The following CAMKMT variants were observed in gnomAD, a reference collection of about 807,000 sequenced individuals.
CAMKMT encodes the protein calmodulin-lysine N-methyltransferase.
CAMKMT carries 53 observed loss-of-function variants against 48.0 expected under a neutral mutation model. The observed-to-expected ratio is 1.10, with a 90% CI of 0.89 to 1.39. The LOEUF is 1.39. CAMKMT is among the 40% of genes most tolerant of loss of function. CAMKMT has a pLI of 0.00. For missense variants in CAMKMT, 428 were observed against 402.7 expected (o/e 1.06, Z -0.54); for synonymous variants, 165 against 152.3 (o/e 1.08, Z -0.61).
At chr2:44,479,789 A>G (rs111832046) in intron 3 of CAMKMT, among the ~76,000 whole-genome samples, 2,154 of 152,280 alleles carry the variant, frequency 0.014, 58 homozygotes, top group African/African-American at 0.049. Context: ...CCCTTTTAAG[A>G]TTTAAGTAGC....
At chr2:44,448,515 T>C (rs1667123919) in intron 3 of CAMKMT, among the ~76,000 whole-genome samples, 1 of 152,190 alleles carries the variant, frequency 6.6e-6, no homozygotes, top group Non-Finnish European at 1.5e-5. Flanking sequence ...AAGTATTGCT[T>C]TCTTATTGTT....
At chr2:44,516,414 T>C (rs972873418) in intron 3 of CAMKMT, among the ~76,000 whole-genome samples, 1 of 152,156 alleles carries the variant, frequency 6.6e-6, no homozygotes, top group Non-Finnish European at 1.5e-5. Flanking sequence ...ACAGAGGACA[T>C]GGATGAAAGA....
intron 2 of CAMKMT, among the ~76,000 whole-genome samples, chr2:44,375,429 A>G (rs1408259000): frequency 6.6e-6 from 1 of 151,842 alleles, no homozygotes. Context: ...AGGAGCTGAA[A>G]TAGATAAAAG....
chr2:44,617,086 A>G (rs2103918339), intron 3 of CAMKMT, among the ~76,000 whole-genome samples: 2 of 152,332 alleles, frequency 1.3e-5, no homozygotes, highest in Admixed American at 1.3e-4. Context: ...GTGCCTTACA[A>G]AATAAACATG....
intron 2 of CAMKMT, among the ~76,000 whole-genome samples, chr2:44,382,922 AAAAC>A (rs1446705835): frequency 6.6e-5 from 10 of 152,208 alleles, no homozygotes; most frequent in Admixed American, 4.6e-4. Context: ...CTGCCAAAAC[AAAAC>A]ACCACATACT....
chr2:44,497,738 A>AGAGAGAGAGAGAGAGAGAGAGG (rs1558657797), intron 3 of CAMKMT, among the ~76,000 whole-genome samples: 1 of 150,404 alleles, frequency 6.6e-6, no homozygotes, highest in Admixed American at 6.7e-5. Context: ...AGAGAGAGAG[A>AGAGAGAGAGAGAGAGAGAGAGG]GAGAGGGATA....
intron 3 of CAMKMT, among the ~76,000 whole-genome samples, chr2:44,606,825 A>T (rs1287041068): frequency 6.9e-6 from 1 of 145,844 alleles, no homozygotes; most frequent in African/African-American, 2.5e-5. Context: ...CCCCACCAAG[A>T]TTACTGTGAG....
At chr2:44,574,837 T>G (rs1669123204) in intron 3 of CAMKMT, among the ~76,000 whole-genome samples, 2 of 151,420 alleles carry the variant, frequency 1.3e-5, no homozygotes, top group African/African-American at 4.9e-5. Context: ...ATCTCCCAGG[T>G]TCAAGCAATT....
chr2:44,510,188 G>C (rs1399445597), intron 3 of CAMKMT, among the ~76,000 whole-genome samples: 2 of 152,088 alleles, frequency 1.3e-5, no homozygotes, highest in Non-Finnish European at 2.9e-5. Context: ...TCCAATCCAA[G>C]AGCACATACT....
chr2:44,760,293 G>A (rs1680563152), intron 9 of CAMKMT, among the ~76,000 whole-genome samples: 1 of 152,110 alleles, frequency 6.6e-6, no homozygotes, highest in South Asian at 2.1e-4. Flanking sequence ...ATCATGGTGT[G>A]TTTTGGGATC....
At chr2:44,668,056 G>C (rs1236514475) in intron 3 of CAMKMT, among the ~76,000 whole-genome samples, 1 of 152,160 alleles carries the variant, frequency 6.6e-6, no homozygotes, top group Non-Finnish European at 1.5e-5. Context: ...GCTTTGGTTT[G>C]AATAATGACC....
chr2:44,387,916 A>G (rs1319949043), intron 2 of CAMKMT, among the ~76,000 whole-genome samples: 1 of 151,880 alleles, frequency 6.6e-6, no homozygotes, highest in East Asian at 1.9e-4. Context: ...ATCTGATAGG[A>G]TTTTCTTTAT....
At chr2:44,613,416 A>C (rs1380596193) in intron 3 of CAMKMT, among the ~76,000 whole-genome samples, 3 of 152,244 alleles carry the variant, frequency 2.0e-5, no homozygotes. Context: ...ATAGCACAGC[A>C]GCAGGACTTC....
At chr2:44,716,461 A>C (rs776690676) in intron 7 of CAMKMT, among the ~76,000 whole-genome samples, 13 of 152,200 alleles carry the variant, frequency 8.5e-5, no homozygotes, top group Non-Finnish European at 1.5e-4. Context: ...TTTTTCTCTT[A>C]TATTAATTGG....
intron 3 of CAMKMT, among the ~76,000 whole-genome samples, chr2:44,475,805 T>C (rs1257362744): frequency 1.3e-5 from 2 of 152,236 alleles, no homozygotes; most frequent in Non-Finnish European, 2.9e-5. Flanking sequence ...AAGCATATGA[T>C]GGACCTACGA....
Position 44,747,492 on chromosome 2 carries a change from A to G in CAMKMT, c.698+3796A>G, listed in dbSNP as rs1450222835. ...TACATGAATCACCCAAGATTGCTCA[A>G]CTAAAGGGGTAGAGCCAAGTAAAAT... On this transcript the variant is annotated intron_variant, in intron 8 of 10. Transcript: ENST00000378494. 5.3e-5 allele frequency among the ~76,000 whole-genome samples: 8 copies of G among 152,320 alleles called. No homozygotes were observed. In the South Asian group the frequency reaches 1.2e-3, roughly 24 times the overall value.
intron 7 of CAMKMT, among the ~76,000 whole-genome samples, chr2:44,715,601 G>A (rs561326494): frequency 6.6e-6 from 1 of 152,178 alleles, no homozygotes; most frequent in Non-Finnish European, 1.5e-5. Flanking sequence ...CTGGGTTGGG[G>A]ATGATTTATG....
chr2:44,461,207 T>C (rs1261159125), intron 3 of CAMKMT, among the ~76,000 whole-genome samples: 1 of 152,194 alleles, frequency 6.6e-6, no homozygotes, highest in Non-Finnish European at 1.5e-5. Context: ...ATTAAGGGCT[T>C]TTGTGTATAC....
chr2:44,374,949 G>T (rs1342442037), intron 2 of CAMKMT, among the ~76,000 whole-genome samples: 1 of 152,060 alleles, frequency 6.6e-6, no homozygotes, highest in African/African-American at 2.4e-5. Context: ...TGGCAACATA[G>T]GGAAACCCTG....
Sources: gnomAD v4.1 joint callset for allele counts (sites outside exome capture counted in the v4.1 genomes callset) on GRCh38, gnomAD v4.1.1 for gene constraint, MANE v1.5 for transcripts, NCBI Gene and HGNC (gene_info 2026-07-23, HGNC 2026-07-21) for gene names.